MGAM: variants seen among roughly 807,000 people sequenced by gnomAD.
MGAM encodes the protein maltase-glucoamylase.
A neutral mutation model predicts 358.8 loss-of-function variants in MGAM; 253 were observed. The ratio of observed to expected loss-of-function variants is 0.71; its 90% CI spans 0.64 to 0.78. The LOEUF (loss-of-function observed/expected upper bound fraction) is 0.78, where lower values mean the gene tolerates loss of function less well. MGAM is among the 30% of genes least tolerant of loss of function. The pLI is 0.00. For missense variants in MGAM, 3,080 were observed against 3,432.6 expected, an observed-to-expected ratio of 0.90 and a Z score of 2.57; for synonymous variants, 1,105 against 1,227.1, an observed-to-expected ratio of 0.90 and a Z score of 2.08.
At chr7:142,041,894 TAATATATATA>T (rs1808631164) in intron 21 of MGAM, among the ~76,000 whole-genome samples, 3 of 44,036 alleles carry the variant, frequency 6.8e-5, no homozygotes, top group Non-Finnish European at 1.2e-4. Flanking sequence ...GTATAATATA[TAATATATATA>T]TTATATATAT....
intron 7 of MGAM, 51 bp downstream of exon 7, chr7:142,022,490 A>G: frequency 6.4e-7 from 1 of 1,560,538 alleles, no homozygotes; most frequent in Non-Finnish European, 8.7e-7. Flanking sequence ...TCTCATTCTT[A>G]AAGGTCACCT....
chr7:142,067,768 T>C (rs1194916605), intron 42 of MGAM, among the ~76,000 whole-genome samples: 2 of 136,304 alleles, frequency 1.5e-5, no homozygotes, highest in Non-Finnish European at 3.3e-5. Context: ...CCTCTAGCAC[T>C]ATTACAACTT....
intron 52 of MGAM, 37 bp downstream of exon 52, chr7:142,082,608 T>C (rs1351002839): frequency 1.4e-6 from 2 of 1,389,694 alleles, no homozygotes; most frequent in South Asian, 1.2e-5. Flanking sequence ...TTTGGGGGGA[T>C]ACCAGTCATG....
upstream of MGAM, among the ~76,000 whole-genome samples, chr7:141,991,493 A>G (rs1192156097): frequency 1.3e-5 from 2 of 151,614 alleles, no homozygotes; most frequent in Non-Finnish European, 2.9e-5. Flanking sequence ...GAGTAGTACA[A>G]TGGCACAATC....
rs1209535324 is a variant in MGAM at position 142,065,399 on chromosome 7, G to A, written c.4549G>A (p.Gly1517Ser). The part of the protein sequence containing the change: ...VITRSTFPSS[G>S]RWAGHWLGDN... ...CACCCGCTCCACATTTCCCTCTTCT[G>A]GCCGCTGGGCAGGACATTGGCTGGG... Residue 1517 changes from glycine (G) to serine (S), a missense_variant, in exon 38 of 71, where the codon GGC becomes AGC. By Grantham distance (56) the Gly-to-Ser change is moderately conservative. Transcript: ENST00000475668. 2 of 1,610,814 alleles carry A rather than the reference G, an allele frequency of 1.2e-6. No homozygotes were observed. Among genetic ancestry groups the A allele is most frequent in the Admixed American group, 1.7e-5 (1 of 59,570 alleles).
intron 33 of MGAM, 80 bp from the exon 34 acceptor site, chr7:142,060,231 T>C: frequency 6.4e-7 from 1 of 1,563,968 alleles, no homozygotes. Context: ...AGGAGCACGG[T>C]TTGTATAACA....
intron 2 of MGAM, among the ~76,000 whole-genome samples, chr7:141,989,467 G>A (rs1278221411): frequency 2.0e-5 from 3 of 151,988 alleles, no homozygotes. Flanking sequence ...AATTGAAATG[G>A]TTGTCCAAGT....
rs188273110 is a variant in MGAM at position 142,072,879 on chromosome 7, C to T, written c.5187-1206C>T. ...TTAACCTTGCTGTGGGAATTTGCCA[C>T]ATGGAGATTCTAGGTTTTGCTTACT... On this transcript the variant is annotated intron_variant, in intron 44 of 70. Coordinates refer to ENST00000475668, the MANE Select transcript of MGAM (RefSeq NM_001365693.1). 8.2e-5 allele frequency among the ~76,000 whole-genome samples: 12 copies of T among 146,612 alleles called. 1 individual carries two copies. Among genetic ancestry groups the T allele is most frequent in the African/African-American group, 2.9e-4 (12 of 41,272 alleles).
chr7:142,035,006 C>T (rs1256810983), intron 16 of MGAM, among the ~76,000 whole-genome samples, 165 bp downstream of exon 16: 2 of 152,218 alleles, frequency 1.3e-5, no homozygotes, highest in African/African-American at 2.4e-5. Flanking sequence ...GATACCATGA[C>T]ATTCTTTCCT....
chr7:142,086,227 A>G lies in MGAM; in HGVS notation c.6646A>G (p.Ile2216Val). The G allele has an allele frequency of 4.6e-6, 7 of 1,536,376 alleles. 1 individual carries two copies. The highest frequency in any genetic ancestry group is 2.3e-5 in the East Asian group (1 of 43,366). The change falls in exon 56 of 71, where the codon ATT becomes GTT. Residue 2216 changes from isoleucine (I) to valine (V), a missense_variant. Physicochemically the swap from Ile to Val is conservative, Grantham distance 29 (BLOSUM62 3). Transcript: ENST00000475668. ...TATGCTTTGATTTCAGGATCCAGCC[A>G]TTTCTGGCAATGAGACACAGCCCTA... The part of the protein sequence containing the change: ...MRVILILDPA[I>V]SGNETQPYPA...
In MGAM at chr7:142,027,218, A is replaced by C. The variant is rs782691640; in HGVS notation, c.1086A>C (p.Glu362Asp). The C allele has an allele frequency of 1.2e-6, 2 of 1,608,996 alleles. No homozygotes were observed. The highest frequency in any genetic ancestry group is 3.3e-5 in the Admixed American group (2 of 59,988). ...LGNTPEQVVQ[E>D]YLELIGRPAL... ...ACACTCCAGAGCAAGTTGTTCAAGA[A>C]TATCTAGAGGTAAACTTAGGATGTC... The change falls in exon 9 of 71, where the codon GAA (glutamate) becomes GAC (aspartate). Residue 362 changes from glutamate (E) to aspartate (D), a missense_variant. By Grantham distance (45) the Glu-to-Asp change is conservative. Coordinates refer to ENST00000475668, the MANE Select transcript of MGAM (RefSeq NM_001365693.1).
intron 21 of MGAM, among the ~76,000 whole-genome samples, chr7:142,044,230 A>G (rs1325714606): frequency 3.6e-5 from 5 of 138,282 alleles, no homozygotes; most frequent in Non-Finnish European, 6.3e-5. Context: ...TACGACATAT[A>G]ATATATACAT....
chr7:142,073,357 A>C (rs116483224), intron 44 of MGAM, among the ~76,000 whole-genome samples: 1,849 of 146,250 alleles, frequency 0.013, 97 homozygotes, highest in African/African-American at 0.043. Context: ...GGAAGAATAC[A>C]GTGGAGAATG....
chr7:142,097,405 G>A (rs1212163963), intron 65 of MGAM, among the ~76,000 whole-genome samples, 188 bp from the exon 66 acceptor site: 1 of 152,114 alleles, frequency 6.6e-6, no homozygotes, highest in African/African-American at 2.4e-5. Context: ...ACTTGTTTTG[G>A]GGTAGACAGA....
intron 65 of MGAM, among the ~76,000 whole-genome samples, chr7:142,097,352 T>G (rs1816015955): frequency 6.6e-6 from 1 of 152,166 alleles, no homozygotes; most frequent in Non-Finnish European, 1.5e-5. Context: ...GTGAATTTTT[T>G]TTTTTCCCGA....
chr7:142,061,477 ACTG>A (rs1812194880), intron 34 of MGAM, among the ~76,000 whole-genome samples: 1 of 152,008 alleles, frequency 6.6e-6, no homozygotes, highest in South Asian at 2.1e-4. Flanking sequence ...CACATCCTTG[ACTG>A]CCAGACCCAT....
At chr7:142,077,634 C>T (rs1813851575) in intron 47 of MGAM, among the ~76,000 whole-genome samples, 1 of 144,252 alleles carries the variant, frequency 6.9e-6, no homozygotes, top group African/African-American at 2.5e-5. Flanking sequence ...ATTTTATTTC[C>T]ACCTCTCAAT....
At chr7:142,005,480 A>G in intron 1 of MGAM, 49 bp from the exon 2 acceptor site, 1 of 1,335,634 alleles carries the variant, frequency 7.5e-7, no homozygotes, top group Non-Finnish European at 1.0e-6. Flanking sequence ...CTTACTAGTT[A>G]TATAGTAAAT....
At chr7:142,003,240 TGAAA>T (rs1554451253) in intron 1 of MGAM, among the ~76,000 whole-genome samples, 1 of 151,948 alleles carries the variant, frequency 6.6e-6, no homozygotes, top group Non-Finnish European at 1.5e-5. Flanking sequence ...TATGGAACCC[TGAAA>T]GAGTGTAAGT....
Sources: allele counts gnomAD v4.1 joint callset (sites outside exome capture counted in the v4.1 genomes callset), GRCh38; gene constraint gnomAD v4.1.1; transcripts MANE v1.5; gene names NCBI Gene and HGNC (gene_info 2026-07-23, HGNC 2026-07-21).